VANGL2: variants seen among roughly 807,000 people sequenced by gnomAD.
VANGL2 encodes the protein VANGL planar cell polarity protein 2.
A neutral mutation model predicts 50.2 loss-of-function variants in VANGL2; 14 were observed. That is an observed-to-expected ratio of 0.28 (90% CI 0.18 to 0.44). VANGL2 has a LOEUF of 0.44. VANGL2 is among the 20% of genes least tolerant of loss of function. The pLI, the probability that VANGL2 is intolerant of heterozygous loss-of-function variation, is 1.00. For synonymous variants in VANGL2, 295 were observed against 297.2 expected (o/e 0.99, Z 0.08); for missense variants, 533 against 701.5 (o/e 0.76, Z 2.71).
At chr1:160,410,577 T>G (rs1254203714) in intron 1 of VANGL2, among the ~76,000 whole-genome samples, 1 of 152,062 alleles carries the variant, frequency 6.6e-6, no homozygotes, top group Non-Finnish European at 1.5e-5. Context: ...GGCGTTTGTG[T>G]TCAACGCCTT....
intron 1 of VANGL2, among the ~76,000 whole-genome samples, chr1:160,414,295 C>G (rs914398183): frequency 2.6e-5 from 4 of 152,238 alleles, no homozygotes; most frequent in African/African-American, 9.6e-5. Context: ...ACCACCCACT[C>G]TCTTCCTCAA....
rs1651036571 is a variant in VANGL2 at position 160,415,864 on chromosome 1, C to T, written c.27C>T (p.Gly9=). The T allele has an allele frequency of 6.2e-7, 1 of 1,613,944 alleles. No individual in the cohort carries two copies. Among genetic ancestry groups the T allele is most frequent in the Admixed American group, 1.7e-5 (1 of 60,004 alleles). MDTESQYS[G]YSYKSGHSRS... ...TGGACACCGAGTCCCAGTACTCGGG[C>T]TATTCCTACAAGTCGGGCCACTCCC... The change falls in exon 2 of 8, where the codon GGC becomes GGT. Residue 9 remains glycine, a synonymous_variant. Transcript: ENST00000368061.
chr1:160,418,085 G>T (rs12089977), intron 3 of VANGL2, among the ~76,000 whole-genome samples: 22,951 of 151,572 alleles, frequency 0.15, 3,582 homozygotes, highest in African/African-American at 0.4. Flanking sequence ...CTAATTTTTT[G>T]TGTGTGTGTG....
intron 1 of VANGL2, among the ~76,000 whole-genome samples, chr1:160,408,549 C>G (rs1026156424): frequency 6.6e-6 from 1 of 152,134 alleles, no homozygotes; most frequent in Non-Finnish European, 1.5e-5. Flanking sequence ...CTGGATGACA[C>G]AAGCATGGCC....
chr1:160,419,467 G>T lies in VANGL2; in HGVS notation c.658G>T (p.Val220Leu). The part of the protein sequence containing the change: ...RSYQGVVQFA[V>L]SLVDALLFVH... The stretch of plus-strand genomic sequence containing the variant: ...CTACCAGGGCGTGGTGCAGTTCGCC[G>T]TGTCGCTGGTGGACGCCCTTCTTTT... The change falls in exon 4 of 8, where the codon GTG (valine) becomes TTG (leucine). Residue 220 changes from valine (V) to leucine (L), a missense_variant. Val to Leu is a conservative substitution (Grantham distance 32). Coordinates refer to ENST00000368061, the MANE Select transcript of VANGL2 (RefSeq NM_020335.3). The surrounding 1 kb of genome is among the most constrained non-coding windows in gnomAD (Gnocchi z 5.8). 1 of 1,608,210 alleles carries T rather than the reference G, an allele frequency of 6.2e-7. No individual in the cohort carries two copies. The highest frequency in any genetic ancestry group is 1.1e-5 in the South Asian group (1 of 91,088).
intron 7 of VANGL2, 29 bp downstream of exon 7, chr1:160,424,312 C>T (rs1042440561): frequency 6.2e-7 from 1 of 1,600,996 alleles, no homozygotes; most frequent in Non-Finnish European, 8.6e-7. Flanking sequence ...CAGCATCCTT[C>T]CTCCTTCCCC....
At chr1:160,402,695 G>C (rs1434852730) in intron 1 of VANGL2, among the ~76,000 whole-genome samples, 2 of 152,034 alleles carry the variant, frequency 1.3e-5, no homozygotes, top group Non-Finnish European at 2.9e-5. Context: ...CCCATTGCAG[G>C]CTATACTGCT....
Position 160,425,183 on chromosome 1 carries a change from C to G in VANGL2, c.1371C>G (p.Ala457=), listed in dbSNP as rs201765168. 6.2e-7 allele frequency: 1 copy of G among 1,614,120 alleles called. No homozygotes were observed. Among genetic ancestry groups the G allele is most frequent in the East Asian group, 2.2e-5 (1 of 44,874 alleles). ...TIQYHKERWL[A]KQWTLVSEEP... ...AGTACCACAAGGAACGCTGGCTGGC[C>G]AAACAGTGGACATTGGTGAGCGAGG... Residue 457 remains alanine (A), a synonymous_variant, in exon 8 of 8, where the codon GCC becomes GCG. Transcript: ENST00000368061.
intron 6 of VANGL2, 126 bp from the exon 7 acceptor site, chr1:160,423,926 G>C: frequency 1.9e-6 from 2 of 1,038,152 alleles, no homozygotes; most frequent in Non-Finnish European, 3.0e-6. Flanking sequence ...CTCTGGCTTT[G>C]TATTACTTTG....
chr1:160,420,800 T>C (rs1173207674), intron 5 of VANGL2, among the ~76,000 whole-genome samples: 1 of 152,234 alleles, frequency 6.6e-6, no homozygotes, highest in African/African-American at 2.4e-5. Flanking sequence ...CTAAGCCCTT[T>C]GGCTCTCGGA....
At chr1:160,413,732 C>T (rs986161381) in intron 1 of VANGL2, among the ~76,000 whole-genome samples, 7 of 152,108 alleles carry the variant, frequency 4.6e-5, no homozygotes, top group African/African-American at 1.7e-4. Flanking sequence ...GACATGTCTA[C>T]CTATTGGGGT....
chr1:160,415,957 CTGT>C, intron 2 of VANGL2, 49 bp downstream of exon 2: 1 of 1,614,074 alleles, frequency 6.2e-7, no homozygotes, highest in Non-Finnish European at 8.5e-7. Context: ...GGGTTGGGGG[CTGT>C]TAAGAGGTGG....
At chr1:160,407,083 C>T (rs1650700488) in intron 1 of VANGL2, among the ~76,000 whole-genome samples, 1 of 152,078 alleles carries the variant, frequency 6.6e-6, no homozygotes, top group Non-Finnish European at 1.5e-5. Flanking sequence ...GGTGCTGAGC[C>T]CGAAGTGTGA....
intron 6 of VANGL2, among the ~76,000 whole-genome samples, chr1:160,423,330 A>G (rs1017047281): frequency 6.6e-6 from 1 of 152,154 alleles, no homozygotes; most frequent in African/African-American, 2.4e-5. Context: ...ATAGTAGTTC[A>G]TGGAATACTC....
chr1:160,410,570 G>A (rs1218186361), intron 1 of VANGL2, among the ~76,000 whole-genome samples: 4 of 152,094 alleles, frequency 2.6e-5, no homozygotes, highest in Non-Finnish European at 5.9e-5. Flanking sequence ...GGGTGCTGGC[G>A]TTTGTGTTCA....
chr1:160,413,249 A>G (rs557274598), intron 1 of VANGL2, among the ~76,000 whole-genome samples: 243 of 151,884 alleles, frequency 1.6e-3, no homozygotes, highest in Non-Finnish European at 1.6e-3. Context: ...GAGTAGTTGG[A>G]GTAAAGGTAA....
In VANGL2 at chr1:160,427,872, T is replaced by A. The variant is rs1296549226; in HGVS notation, c.*2494T>A. On this transcript the variant is annotated 3_prime_UTR_variant, in exon 8 of 8. Transcript: ENST00000368061. Reference sequence around the variant, plus strand: ...TTTGTGTGACTCATGGCATCCTCGTTCATCCCCACCGTGCCTAGCAGGCCT... The same window carrying A: ...TTTGTGTGACTCATGGCATCCTCGTACATCCCCACCGTGCCTAGCAGGCCT... 1 of 152,782 alleles carries A rather than the reference T, an allele frequency of 6.5e-6. No individual in the cohort carries two copies. Among genetic ancestry groups the A allele is most frequent in the African/African-American group, 2.4e-5 (1 of 41,410 alleles). 9.5% of individuals were successfully genotyped at this position (152,782 alleles called of 1,614,324 possible). A position where few individuals can be genotyped will look rare whatever the true frequency, so the allele number is the denominator to read the frequency against.
intron 6 of VANGL2, among the ~76,000 whole-genome samples, chr1:160,423,803 GT>G (rs1270133266): frequency 6.6e-6 from 1 of 152,230 alleles, no homozygotes; most frequent in Non-Finnish European, 1.5e-5. Flanking sequence ...CTATAGCATA[GT>G]TCCTAGTTGT....
chr1:160,415,944 G>C, intron 2 of VANGL2, 36 bp downstream of exon 2: 4 of 1,614,196 alleles, frequency 2.5e-6, no homozygotes, highest in Non-Finnish European at 3.4e-6. Context: ...CGTGGCGGAG[G>C]GAGGGTTGGG....
Sources: allele counts gnomAD v4.1 joint callset (sites outside exome capture counted in the v4.1 genomes callset), GRCh38; gene constraint gnomAD v4.1.1; non-coding constraint Gnocchi (gnomAD v3.1); transcripts MANE v1.5; gene names NCBI Gene and HGNC (gene_info 2026-07-23, HGNC 2026-07-21).